The following MDH1B variants were observed in gnomAD, a reference collection of about 807,000 sequenced individuals.
The protein encoded by MDH1B is malate dehydrogenase 1B, also known as putative malate dehydrogenase 1B.
A neutral mutation model predicts 61.4 loss-of-function variants in MDH1B; 60 were observed. The ratio of observed to expected loss-of-function variants is 0.98; its 90% confidence interval spans 0.79 to 1.21. MDH1B has a LOEUF of 1.21. Among genes scored for constraint, MDH1B ranks in the 50% most tolerant of loss-of-function variants. The probability of loss-of-function intolerance (pLI) is 0.00; values close to 1 mark genes in which losing one functional copy is unlikely to be tolerated. For missense variants in MDH1B, 587 were observed against 632.1 expected (o/e 0.93, Z 0.76); for synonymous variants, 236 against 218.7 (o/e 1.08, Z -0.70).
chr2:206,757,324 A>T lies in MDH1B; in HGVS notation c.183T>A (p.Asn61Lys), dbSNP rs767793588. ...ACAGCTCTCTCCAGATGATAGGGGA[A>T]TTCTTGTGACTCCACTTATTCTTTT... Reference protein sequence around the residue: ...VCEKNKWSHKNSPIIWRELLD... With the variant: ...VCEKNKWSHKKSPIIWRELLD... Residue 61 changes from asparagine (N) to lysine (K), a missense_variant, in exon 3 of 12, where the codon AAT becomes AAA. Asn to Lys is a moderately conservative substitution (Grantham distance 94). Transcript: ENST00000374412. 6.2e-7 allele frequency: 1 copy of T among 1,613,822 alleles called. No homozygotes were observed. Among genetic ancestry groups the T allele is most frequent in the African/African-American group, 1.3e-5 (1 of 74,920 alleles).
chr2:206,765,158 T>TC (rs1294066091), intron 1 of MDH1B, 92 bp downstream of exon 1: 1 of 1,469,208 alleles, frequency 6.8e-7, no homozygotes, highest in Non-Finnish European at 9.2e-7. Context: ...CATGGAGCGG[T>TC]CCGTATAGAG....
At chr2:206,742,391 C>T (rs1398170123) in intron 9 of MDH1B, among the ~76,000 whole-genome samples, 1 of 152,172 alleles carries the variant, frequency 6.6e-6, no homozygotes, top group Non-Finnish European at 1.5e-5. Context: ...TTTGTAAACT[C>T]TGATGAACCT....
chr2:206,757,064 C>T, intron 3 of MDH1B, 24 bp from the exon 4 acceptor site: 2 of 1,606,274 alleles, frequency 1.2e-6, no homozygotes, highest in Non-Finnish European at 1.7e-6. Context: ...GAGAAAAAGT[C>T]AATATCAGAG....
At chr2:206,745,558 T>A in intron 9 of MDH1B, 64 bp downstream of exon 9, 1 of 1,211,538 alleles carries the variant, frequency 8.3e-7, no homozygotes, top group Non-Finnish European at 1.2e-6. Context: ...GTGATTCAGT[T>A]ATAACAAATA....
chr2:206,758,912 G>A (rs1688925388), intron 2 of MDH1B, among the ~76,000 whole-genome samples: 1 of 151,838 alleles, frequency 6.6e-6, no homozygotes. Context: ...GAGGGGTCCT[G>A]GTGTCACTGA....
intron 4 of MDH1B, among the ~76,000 whole-genome samples, chr2:206,756,391 G>A (rs1446581906): frequency 6.6e-6 from 1 of 152,118 alleles, no homozygotes; most frequent in Non-Finnish European, 1.5e-5. Flanking sequence ...GAGGGAGAGA[G>A]AGAGCAAGAG....
At chr2:206,748,942 G>A in intron 7 of MDH1B, 78 bp downstream of exon 7, 1 of 1,289,188 alleles carries the variant, frequency 7.8e-7, no homozygotes, top group Middle Eastern at 1.9e-4. Flanking sequence ...AGCTAGATGG[G>A]TGGGGACACA....
At chr2:206,750,886 C>T (rs924900283) in intron 6 of MDH1B, 48 bp downstream of exon 6, 2 of 1,443,822 alleles carry the variant, frequency 1.4e-6, no homozygotes, top group African/African-American at 1.4e-5. Flanking sequence ...AACCATTAAA[C>T]ATTTATTTTA....
Position 206,746,326 on chromosome 2 carries a change from A to G in MDH1B, c.1317T>C (p.Ser439=), listed in dbSNP as rs1274083618. 1 of 1,613,728 alleles carries G rather than the reference A, an allele frequency of 6.2e-7. No individual in the cohort carries two copies. Among genetic ancestry groups the G allele is most frequent in the African/African-American group, 1.3e-5 (1 of 74,898 alleles). The change falls in exon 8 of 12, where the codon AGT becomes AGC. Residue 439 remains serine, a synonymous_variant. Transcript: ENST00000374412. ...TTGTCATTCGGGTCATTATTTGTTCACTTATTTCAACATCTTTGAGATCTG... is the reference window on the plus strand; with the variant it reads ...TTGTCATTCGGGTCATTATTTGTTCGCTTATTTCAACATCTTTGAGATCTG... ...VLTDLKDVEI[S]EQIMTRMTSD...
chr2:206,745,491 T>C (rs1688052688), intron 9 of MDH1B, 131 bp downstream of exon 9: 3 of 723,464 alleles, frequency 4.1e-6, no homozygotes, highest in Non-Finnish European at 2.4e-6. Context: ...CTTAACAGTT[T>C]ATTTTGTCAT....
intron 4 of MDH1B, 44 bp downstream of exon 4, chr2:206,756,854 T>C: frequency 6.2e-7 from 1 of 1,601,472 alleles, no homozygotes; most frequent in Non-Finnish European, 8.5e-7. Flanking sequence ...CCTTTCTAAA[T>C]ATAAAAAGTA....
chr2:206,750,843 T>C (rs1399199741), intron 6 of MDH1B, 91 bp downstream of exon 6: 8 of 1,125,274 alleles, frequency 7.1e-6, no homozygotes, highest in Non-Finnish European at 9.5e-6. Context: ...GTTATTTTTG[T>C]ACAAAGATTT....
chr2:206,745,724 A>ATT, intron 8 of MDH1B, 51 bp from the exon 9 acceptor site: 1 of 1,155,618 alleles, frequency 8.7e-7, no homozygotes, highest in Non-Finnish European at 1.2e-6. Context: ...TCCTAACTTA[A>ATT]TTCTTCTTTT....
intron 5 of MDH1B, among the ~76,000 whole-genome samples, chr2:206,752,037 G>A (rs1010813699): frequency 3.3e-5 from 5 of 152,108 alleles, no homozygotes; most frequent in Admixed American, 2.0e-4. Flanking sequence ...GGTAATTCAT[G>A]GTAGGCAGTG....
intron 1 of MDH1B, among the ~76,000 whole-genome samples, chr2:206,763,646 A>G (rs1689237192): frequency 6.6e-6 from 1 of 152,178 alleles, no homozygotes; most frequent in Non-Finnish European, 1.5e-5. Context: ...ATCTAACTCT[A>G]GCCTCACCTT....
At chr2:206,749,294 T>C (rs1325951037) in intron 6 of MDH1B, 111 bp from the exon 7 acceptor site, 7 of 833,212 alleles carry the variant, frequency 8.4e-6, no homozygotes, top group Admixed American at 2.7e-5. Context: ...ACAGTCAAAA[T>C]AGAAATACAG....
chr2:206,740,412 C>T (rs1687742605), intron 10 of MDH1B, among the ~76,000 whole-genome samples: 1 of 152,042 alleles, frequency 6.6e-6, no homozygotes, highest in Non-Finnish European at 1.5e-5. Flanking sequence ...TCATAAGGTT[C>T]TTTATCCTCA....
In MDH1B at chr2:206,757,368, A is replaced by G; in HGVS notation, c.139T>C (p.Trp47Arg). The G allele has an allele frequency of 6.2e-7, 1 of 1,611,746 alleles. No individual in the cohort carries two copies. The highest frequency in any genetic ancestry group is 8.5e-7 in the Non-Finnish European group (1 of 1,179,438). ...ITQRPEVWED[W>R]LKDVCEKNKW... ...TTCTTTTCACACACATCTTTTAGCC[A>G]ATCCTGTTGAATGATATCCCAAGTG... Residue 47 changes from tryptophan (W) to arginine (R), a missense_variant, in exon 3 of 12, where the codon TGG becomes CGG. Trp to Arg is a moderately radical substitution (Grantham distance 101, BLOSUM62 -3). Coordinates refer to ENST00000374412, the MANE Select transcript of MDH1B (RefSeq NM_001039845.3).
chr2:206,756,432 G>A (rs575072744), intron 4 of MDH1B, among the ~76,000 whole-genome samples: 1 of 152,198 alleles, frequency 6.6e-6, no homozygotes, highest in Non-Finnish European at 1.5e-5. Flanking sequence ...GAAAGAAAGA[G>A]AGAGAGTATG....
Sources: allele counts gnomAD v4.1 joint callset (sites outside exome capture counted in the v4.1 genomes callset), GRCh38; gene constraint gnomAD v4.1.1; transcripts MANE v1.5; gene names NCBI Gene and HGNC (gene_info 2026-07-23, HGNC 2026-07-21).